Variants in NEGR1 observed in about 807,000 individuals in gnomAD.
NEGR1 encodes the protein IgLON family member 4.
In NEGR1, 10 loss-of-function variants were observed where a neutral mutation model predicts 40.9. The observed-to-expected ratio is 0.24, with a 90% CI of 0.15 to 0.42. The LOEUF (loss-of-function observed/expected upper bound fraction) is 0.42, where lower values mean the gene tolerates loss of function less well. Ranked by LOEUF, NEGR1 falls within the 10% of genes least tolerant of loss-of-function variation. NEGR1 has a pLI of 1.00. For missense variants in NEGR1, 352 were observed against 438.9 expected, an observed-to-expected ratio of 0.80 and a Z score of 1.77; for synonymous variants, 185 against 166.8, an observed-to-expected ratio of 1.11 and a Z score of -0.84.
intron 1 of NEGR1, among the ~76,000 whole-genome samples, chr1:71,950,277 T>TA (rs1287930401): frequency 6.6e-6 from 1 of 151,976 alleles, no homozygotes; most frequent in Non-Finnish European, 1.5e-5. Flanking sequence ...ATTTTGTGGA[T>TA]AAACACACTG....
intron 6 of NEGR1, among the ~76,000 whole-genome samples, chr1:71,563,395 G>T (rs934788864): frequency 6.6e-5 from 10 of 151,990 alleles, no homozygotes; most frequent in Non-Finnish European, 1.5e-4. Flanking sequence ...AGCTAGATCA[G>T]AGAAAGCCCA....
intron 1 of NEGR1, among the ~76,000 whole-genome samples, chr1:72,112,402 C>G (rs368851588): frequency 6.6e-6 from 1 of 151,554 alleles, no homozygotes; most frequent in African/African-American, 2.4e-5. Context: ...TTTATTTTTT[C>G]CATAATATAT....
chr1:72,127,099 G>C (rs1367422164), intron 1 of NEGR1, among the ~76,000 whole-genome samples: 1 of 152,050 alleles, frequency 6.6e-6, no homozygotes, highest in East Asian at 1.9e-4. Flanking sequence ...CCCACAACAG[G>C]TAATAGCACC....
intron 1 of NEGR1, 105 bp downstream of exon 1, chr1:72,282,214 G>T: frequency 1.6e-6 from 2 of 1,284,076 alleles, no homozygotes; most frequent in South Asian, 1.5e-5. Context: ...TCCATGATGA[G>T]CACCACCAGC....
intron 2 of NEGR1, among the ~76,000 whole-genome samples, chr1:71,785,477 T>C (rs1228413572): frequency 2.0e-5 from 3 of 152,114 alleles, no homozygotes; most frequent in Non-Finnish European, 4.4e-5. Context: ...TGGCAGTATA[T>C]TTTAAGAACT....
At chr1:71,945,707 T>G (rs1646011951) in intron 1 of NEGR1, among the ~76,000 whole-genome samples, 1 of 152,138 alleles carries the variant, frequency 6.6e-6, no homozygotes, top group Non-Finnish European at 1.5e-5. Flanking sequence ...GACTGAAAAC[T>G]TACATTCAGA....
intron 3 of NEGR1, among the ~76,000 whole-genome samples, chr1:71,764,958 C>T (rs1215499831): frequency 6.6e-6 from 1 of 151,974 alleles, no homozygotes; most frequent in Non-Finnish European, 1.5e-5. Context: ...CATACAAAAA[C>T]CAGTGATGAC....
intron 6 of NEGR1, among the ~76,000 whole-genome samples, chr1:71,580,501 A>G (rs887466398): frequency 6.6e-6 from 1 of 152,168 alleles, no homozygotes; most frequent in Non-Finnish European, 1.5e-5. Flanking sequence ...CATGCATGTG[A>G]CAATATTTAG....
chr1:71,941,960 A>G (rs1333372322), intron 1 of NEGR1, among the ~76,000 whole-genome samples: 5 of 152,146 alleles, frequency 3.3e-5, no homozygotes, highest in Admixed American at 2.0e-4. Context: ...GAAAAACTTT[A>G]TTATGAAATA....
chr1:71,811,436 C>G (rs1657996567), intron 2 of NEGR1, among the ~76,000 whole-genome samples: 1 of 151,988 alleles, frequency 6.6e-6, no homozygotes, highest in South Asian at 2.1e-4. Context: ...ATGTCACCTC[C>G]TTTCCTAACC....
At chr1:72,053,734 C>T (rs1647084343) in intron 1 of NEGR1, among the ~76,000 whole-genome samples, 2 of 151,120 alleles carry the variant, frequency 1.3e-5, no homozygotes, top group Admixed American at 1.3e-4. Flanking sequence ...TATTTAGACA[C>T]TGAACTTGTT....
At chr1:71,734,206 T>C (rs1457231090) in intron 3 of NEGR1, among the ~76,000 whole-genome samples, 1 of 152,172 alleles carries the variant, frequency 6.6e-6, no homozygotes, top group Non-Finnish European at 1.5e-5. Flanking sequence ...GACCGGCAAT[T>C]ACTGGCTGCA....
intron 6 of NEGR1, among the ~76,000 whole-genome samples, chr1:71,589,207 C>T (rs964446524): frequency 1.3e-5 from 2 of 152,080 alleles, no homozygotes; most frequent in African/African-American, 4.8e-5. Context: ...CTTCATTCTT[C>T]CTAAAATGGG....
At chr1:71,953,590 T>A (rs1333472219) in intron 1 of NEGR1, among the ~76,000 whole-genome samples, 2 of 152,000 alleles carry the variant, frequency 1.3e-5, no homozygotes, top group Non-Finnish European at 2.9e-5. Context: ...ATTGTGGGTA[T>A]GACGCTATCA....
intron 6 of NEGR1, among the ~76,000 whole-genome samples, chr1:71,530,961 C>T (rs112683563): frequency 6.0e-5 from 9 of 151,218 alleles, no homozygotes; most frequent in African/African-American, 2.2e-4. Context: ...GTACTAGGAA[C>T]ACTTATAGTT....
At chr1:72,013,871 G>T (rs1421721073) in intron 1 of NEGR1, among the ~76,000 whole-genome samples, 1 of 148,438 alleles carries the variant, frequency 6.7e-6, no homozygotes, top group African/African-American at 2.5e-5. Flanking sequence ...AATTTTGCAT[G>T]CAGTATGATT....
At chr1:71,888,177 A>C (rs1660783255) in intron 2 of NEGR1, among the ~76,000 whole-genome samples, 1 of 152,126 alleles carries the variant, frequency 6.6e-6, no homozygotes, top group Non-Finnish European at 1.5e-5. Context: ...TGAATAGAAA[A>C]AGAAACTGAT....
intron 6 of NEGR1, among the ~76,000 whole-genome samples, chr1:71,426,294 A>T (rs1356092335): frequency 6.6e-6 from 1 of 152,220 alleles, no homozygotes; most frequent in African/African-American, 2.4e-5. Context: ...AATGAGCAAA[A>T]CATAGATTTT....
chr1:71,468,486 T>C (rs1211190464), intron 6 of NEGR1: 1 of 151,974 alleles, frequency 6.6e-6, no homozygotes, highest in Non-Finnish European at 1.5e-5. Context: ...GCAACTGACT[T>C]TCCTCATACA....
Sources: gnomAD v4.1 joint callset for allele counts (sites outside exome capture counted in the v4.1 genomes callset) on GRCh38, gnomAD v4.1.1 for gene constraint, MANE v1.5 for transcripts, NCBI Gene and HGNC (gene_info 2026-07-23, HGNC 2026-07-21) for gene names.